Variants in CCDC81 observed in about 807,000 individuals in gnomAD.
CCDC81 encodes coiled-coil domain-containing protein 81.
Under a neutral mutation model 83.7 loss-of-function variants are expected in CCDC81, and 79 were observed. The ratio of observed to expected loss-of-function variants is 0.94; its 90% CI spans 0.79 to 1.14. CCDC81 has a LOEUF of 1.14. CCDC81 is among the 50% of genes most tolerant of loss of function. The probability of loss-of-function intolerance (pLI) is 0.00; values close to 1 mark genes in which losing one functional copy is unlikely to be tolerated. For missense variants in CCDC81, 791 were observed against 778.1 expected, an observed-to-expected ratio of 1.02 and a Z score of -0.20; for synonymous variants, 252 against 278.1, an observed-to-expected ratio of 0.91 and a Z score of 0.93.
At chr11:86,384,329 G>C (rs1948212135) in intron 1 of CCDC81, among the ~76,000 whole-genome samples, 1 of 152,016 alleles carries the variant, frequency 6.6e-6, no homozygotes. Flanking sequence ...GGGAGGAGTG[G>C]GGAACAAGGT....
chr11:86,386,751 T>C (rs1948246123), intron 2 of CCDC81, among the ~76,000 whole-genome samples: 1 of 152,228 alleles, frequency 6.6e-6, no homozygotes, highest in Admixed American at 6.5e-5. Context: ...GCACTTAAAC[T>C]TGGGAAAAAT....
intron 1 of CCDC81, among the ~76,000 whole-genome samples, chr11:86,378,899 TG>T (rs1243405343): frequency 6.6e-6 from 1 of 152,162 alleles, no homozygotes; most frequent in Non-Finnish European, 1.5e-5. Flanking sequence ...AGTGGGGTTT[TG>T]TTTTTTGGTC....
intron 1 of CCDC81, among the ~76,000 whole-genome samples, chr11:86,383,757 T>C (rs1948204024): frequency 6.6e-6 from 1 of 152,262 alleles, no homozygotes; most frequent in Admixed American, 6.5e-5. Flanking sequence ...ACGTCAAATT[T>C]AGAAATTACA....
intron 1 of CCDC81, among the ~76,000 whole-genome samples, chr11:86,385,663 G>A (rs985429070): frequency 7.9e-5 from 12 of 152,176 alleles, no homozygotes; most frequent in African/African-American, 2.4e-4. Context: ...GAGAATGAAC[G>A]TTCTTATTAA....
intron 13 of CCDC81, among the ~76,000 whole-genome samples, chr11:86,417,561 A>G (rs1204060733): frequency 6.6e-6 from 1 of 152,002 alleles, no homozygotes; most frequent in Admixed American, 6.6e-5. Context: ...TAATAGCAGC[A>G]TATTATCTAT....
intron 9 of CCDC81, 125 bp downstream of exon 9, chr11:86,408,395 C>T: frequency 3.5e-6 from 3 of 867,434 alleles, no homozygotes; most frequent in Non-Finnish European, 3.3e-6. Context: ...TGCAGTGGCA[C>T]AACCTCTGCT....
In CCDC81 at chr11:86,407,624, C is replaced by T. The variant is rs1359156928; in HGVS notation, c.892C>T (p.Pro298Ser). 3.1e-6 allele frequency: 5 copies of T among 1,611,616 alleles called. No individual in the cohort carries two copies. The highest frequency in any genetic ancestry group is 1.1e-5 in the South Asian group (1 of 90,812). The change falls in exon 8 of 15, where the codon CCA becomes TCA. Residue 298 changes from proline to serine, a missense_variant. By Grantham distance (74) the Pro-to-Ser change is moderately conservative. Coordinates refer to ENST00000445632, the MANE Select transcript of CCDC81 (RefSeq NM_001156474.2). Reference protein sequence around the residue: ...KIMTPESLSYPSCLKHDSEMK... With the variant: ...KIMTPESLSYSSCLKHDSEMK... ...GCATTGTTTTTATAGCTTATCATATCCAAGTTGTCTGAAACACGACAGTGA... is the reference window on the plus strand; with the variant it reads ...GCATTGTTTTTATAGCTTATCATATTCAAGTTGTCTGAAACACGACAGTGA...
intron 5 of CCDC81, among the ~76,000 whole-genome samples, chr11:86,397,386 A>G (rs1464905896): frequency 6.6e-6 from 1 of 152,214 alleles, no homozygotes; most frequent in Non-Finnish European, 1.5e-5. Context: ...ATTTCTCTAT[A>G]TGCAAGCTGC....
In CCDC81 at chr11:86,392,026, CA is replaced by C. The variant is rs1246118755; in HGVS notation, c.299-514del. ...CACTCATTATCATGAGGACAGCACC[CA>C]GGGGGATGGTGTTAAACCATACATG... On this transcript the variant is annotated intron_variant, in intron 3 of 14. Transcript: ENST00000445632. Among the ~76,000 whole-genome samples, 8 of 152,246 alleles carry C rather than the reference CA, an allele frequency of 5.3e-5. No individual in the cohort carries two copies. In the East Asian group the frequency reaches 1.5e-3, roughly 29 times the overall value.
chr11:86,402,792 T>C (rs1016483531), intron 7 of CCDC81, among the ~76,000 whole-genome samples: 1 of 152,118 alleles, frequency 6.6e-6, no homozygotes, highest in African/African-American at 2.4e-5. Flanking sequence ...TGATGGTATT[T>C]CATTATTGTT....
In CCDC81 at chr11:86,422,972, C is replaced by A; in HGVS notation, c.*257C>A. On this transcript the variant is annotated 3_prime_UTR_variant, in exon 15 of 15. Transcript: ENST00000445632. ...AGGGCTAGAACCTGCTGCACAGGGG[C>A]TGGGAATGGGATCCAGCTTCATTAT... 2.6e-6 allele frequency: 1 copy of A among 391,872 alleles called. No individual in the cohort carries two copies. The highest frequency in any genetic ancestry group is 4.6e-6 in the Non-Finnish European group (1 of 217,962). The allele number at this position is 391,872 out of a possible 1,614,324, so 24.3% of individuals were successfully genotyped here.
At chr11:86,389,100 G>C (rs1948287808) in intron 3 of CCDC81, among the ~76,000 whole-genome samples, 1 of 151,936 alleles carries the variant, frequency 6.6e-6, no homozygotes, top group Non-Finnish European at 1.5e-5. Context: ...GACCAGCCTT[G>C]GCAACATAGC....
At chr11:86,384,285 C>T (rs1448966725) in intron 1 of CCDC81, among the ~76,000 whole-genome samples, 2 of 152,050 alleles carry the variant, frequency 1.3e-5, no homozygotes, top group Admixed American at 6.5e-5. Context: ...TAGTTCTTAG[C>T]AGCCTGTAGT....
chr11:86,388,696 C>T (rs974945322), intron 3 of CCDC81, among the ~76,000 whole-genome samples: 2 of 152,016 alleles, frequency 1.3e-5, no homozygotes. Context: ...GCTATTTTTA[C>T]CTAGAATTTT....
intron 1 of CCDC81, among the ~76,000 whole-genome samples, 195 bp from the exon 2 acceptor site, chr11:86,385,856 T>C (rs1352977216): frequency 6.6e-6 from 1 of 152,154 alleles, no homozygotes; most frequent in Non-Finnish European, 1.5e-5. Flanking sequence ...CTTCTGAACT[T>C]AAGGGAGTAA....
chr11:86,382,050 C>T (rs76300002), intron 1 of CCDC81, among the ~76,000 whole-genome samples: 6,405 of 152,068 alleles, frequency 0.042, 348 homozygotes, highest in East Asian at 0.14. Context: ...GCAGTGTATT[C>T]TAAAGTAGGC....
chr11:86,380,233 T>G (rs1343601627), intron 1 of CCDC81, among the ~76,000 whole-genome samples: 2 of 152,204 alleles, frequency 1.3e-5, no homozygotes, highest in Non-Finnish European at 2.9e-5. Flanking sequence ...AATTTTAGGT[T>G]GGTGTTTTCT....
intron 12 of CCDC81, 83 bp from the exon 13 acceptor site, chr11:86,415,010 G>C: frequency 6.7e-7 from 1 of 1,487,328 alleles, no homozygotes. Context: ...TAAGATGCTG[G>C]TATTTTACCA....
intron 1 of CCDC81, among the ~76,000 whole-genome samples, chr11:86,379,870 G>A (rs924736652): frequency 1.3e-5 from 2 of 152,162 alleles, no homozygotes; most frequent in African/African-American, 4.8e-5. Flanking sequence ...TGTAGTCCCA[G>A]CTACTCAGGA....
Sources: gnomAD v4.1 joint callset for allele counts (sites outside exome capture counted in the v4.1 genomes callset) on GRCh38, gnomAD v4.1.1 for gene constraint, MANE v1.5 for transcripts, NCBI Gene and HGNC (gene_info 2026-07-23, HGNC 2026-07-21) for gene names.